APP: variants seen among roughly 807,000 people sequenced by gnomAD.
The protein encoded by APP is amyloid-beta precursor protein.
A neutral mutation model predicts 101.4 loss-of-function variants in APP; 31 were observed. The ratio of observed to expected loss-of-function variants is 0.31; its 90% confidence interval spans 0.23 to 0.41. The LOEUF is 0.41. Among genes scored for constraint, APP ranks in the 10% least tolerant of loss-of-function variants. The pLI, the probability that APP is intolerant of heterozygous loss-of-function variation, is 1.00. For synonymous variants in APP, 366 were observed against 364.4 expected (o/e 1.00, Z -0.05); for missense variants, 839 against 1,003.7 (o/e 0.84, Z 2.22).
intron 8 of APP, among the ~76,000 whole-genome samples, chr21:25,985,639 T>A (rs1317663687): frequency 1.3e-5 from 2 of 152,152 alleles, no homozygotes; most frequent in African/African-American, 4.8e-5. Flanking sequence ...TCCATAATTG[T>A]TGTGTGAGTC....
At chr21:26,043,532 A>C (rs1441088556) in intron 5 of APP, among the ~76,000 whole-genome samples, 1 of 152,144 alleles carries the variant, frequency 6.6e-6, no homozygotes, top group Non-Finnish European at 1.5e-5. Context: ...TGCCTGGCCT[A>C]GTTTTTCTTT....
intron 11 of APP, among the ~76,000 whole-genome samples, chr21:25,963,632 C>G (rs1297002452): frequency 1.3e-5 from 2 of 152,198 alleles, no homozygotes; most frequent in African/African-American, 4.8e-5. Flanking sequence ...CACAGTTTTA[C>G]ACCCTGGATT....
intron 1 of APP, among the ~76,000 whole-genome samples, chr21:26,136,960 T>C (rs1416451197): frequency 6.6e-6 from 1 of 152,182 alleles, no homozygotes; most frequent in Admixed American, 6.5e-5. Context: ...TGGCGCGATC[T>C]CTGCTCACTG....
Position 25,897,650 on chromosome 21 carries a change from T to C in APP, c.1987A>G (p.Thr663Ala). The C allele has an allele frequency of 6.2e-7, 1 of 1,613,850 alleles. No individual in the cohort carries two copies. Among genetic ancestry groups the C allele is most frequent in the Admixed American group, 1.7e-5 (1 of 60,030 alleles). Reference sequence around the variant, plus strand: ...ATCTTCACTTCAGAGATCTCCTCCGTCTTGATATTTGTCAACCCAGAACCT... The same window carrying C: ...ATCTTCACTTCAGAGATCTCCTCCGCCTTGATATTTGTCAACCCAGAACCT... ...RPGSGLTNIKTEEISEVKMDA... is the reference protein window; with the variant it reads ...RPGSGLTNIKAEEISEVKMDA... Residue 663 changes from threonine to alanine, a missense_variant, in exon 16 of 18, where the codon ACG becomes GCG. Coordinates refer to ENST00000346798, the MANE Select transcript of APP (RefSeq NM_000484.4).
At chr21:26,123,790 T>C (rs957430316) in intron 1 of APP, among the ~76,000 whole-genome samples, 1 of 152,176 alleles carries the variant, frequency 6.6e-6, no homozygotes, top group African/African-American at 2.4e-5. Context: ...TTGGATGTAA[T>C]GTTACTATCA....
At chr21:25,895,179 T>G (rs1474018877) in intron 16 of APP, among the ~76,000 whole-genome samples, 1 of 60,272 alleles carries the variant, frequency 1.7e-5, no homozygotes, top group East Asian at 2.5e-4. Flanking sequence ...ATACAAACTT[T>G]TTTTTTTTTT....
At chr21:26,018,364 T>C (rs1162081509) in intron 6 of APP, among the ~76,000 whole-genome samples, 2 of 152,232 alleles carry the variant, frequency 1.3e-5, no homozygotes, top group African/African-American at 4.8e-5. Context: ...CACTTCTAAT[T>C]TTTATGTTGA....
chr21:26,166,384 A>G (rs2063609392), intron 1 of APP, among the ~76,000 whole-genome samples: 1 of 152,170 alleles, frequency 6.6e-6, no homozygotes, highest in Non-Finnish European at 1.5e-5. Flanking sequence ...AAGGGTTTGC[A>G]AAAGACGGCA....
At chr21:26,056,356 G>A (rs1413409242) in intron 3 of APP, among the ~76,000 whole-genome samples, 5 of 152,184 alleles carry the variant, frequency 3.3e-5, no homozygotes, top group African/African-American at 1.2e-4. Context: ...CATTTTTAAT[G>A]AGGAGTTGGT....
At chr21:25,903,790 C>T (rs1050818723) in intron 15 of APP, among the ~76,000 whole-genome samples, 4 of 152,182 alleles carry the variant, frequency 2.6e-5, no homozygotes, top group African/African-American at 9.7e-5. Flanking sequence ...AATTTAAGTT[C>T]CCCTTAAAAG....
chr21:26,168,956 T>A (rs1271296210), intron 1 of APP, among the ~76,000 whole-genome samples: 1 of 152,220 alleles, frequency 6.6e-6, no homozygotes, highest in Non-Finnish European at 1.5e-5. Flanking sequence ...GGAAAACATC[T>A]GCCCGGAAAT....
At chr21:26,102,082 GT>G (rs35680514) in intron 2 of APP, among the ~76,000 whole-genome samples, 364 of 101,146 alleles carry the variant, frequency 3.6e-3, no homozygotes, top group African/African-American at 0.011. Flanking sequence ...AAACTATGTG[GT>G]TTTTTTTTTT....
At chr21:26,170,450 G>T in intron 1 of APP, 114 bp downstream of exon 1, 1 of 1,111,650 alleles carries the variant, frequency 9.0e-7, no homozygotes, top group South Asian at 1.4e-5. Context: ...AGAGGAGAGG[G>T]GTCCCATTGA....
In APP at chr21:25,955,610, T is replaced by C; in HGVS notation, c.1587+17A>G. 1 of 1,613,920 alleles carries C rather than the reference T, an allele frequency of 6.2e-7. No individual in the cohort carries two copies. Among genetic ancestry groups the C allele is most frequent in the South Asian group, 1.1e-5 (1 of 91,060 alleles). The stretch of plus-strand genomic sequence containing the variant: ...GGATTGTCAAAGCTGCAGAAGATGA[T>C]TATACCCCACGCTTACCTGGGACCG... On this transcript the variant is annotated intron_variant, in intron 12 of 17. Transcript: ENST00000346798.
chr21:26,021,830 G>C lies in APP; in HGVS notation c.865+10C>G, dbSNP rs2044351985. 3.1e-6 allele frequency: 5 copies of C among 1,612,466 alleles called. No homozygotes were observed. The highest frequency in any genetic ancestry group is 4.2e-6 in the Non-Finnish European group (5 of 1,179,846). On this transcript the variant is annotated intron_variant, in intron 6 of 17. Transcript: ENST00000346798. ...GGGGGTGGGGGGAATCCAAGCAAATGGTGGATTACCTCGAACCACCTCTTC... is the reference window on the plus strand; with the variant it reads ...GGGGGTGGGGGGAATCCAAGCAAATCGTGGATTACCTCGAACCACCTCTTC...
chr21:26,122,797 T>TTAATAAA, intron 1 of APP, among the ~76,000 whole-genome samples: 1 of 152,028 alleles, frequency 6.6e-6, no homozygotes, highest in African/African-American at 2.4e-5. Flanking sequence ...TTAAAAGATT[T>TTAATAAA]CTTAAAGGTC....
rs1386177341 is a variant in APP, at chr21:26,004,626, A to G, written c.866-4444T>C. Among the ~76,000 whole-genome samples, 4 of 152,090 alleles carry G rather than the reference A, an allele frequency of 2.6e-5. No individual in the cohort carries two copies. In the East Asian group the frequency reaches 7.7e-4, roughly 29 times the overall value. On this transcript the variant is annotated intron_variant, in intron 6 of 17. Coordinates refer to ENST00000346798, the MANE Select transcript of APP (RefSeq NM_000484.4). ...TCTTTCAACTGCATGTAAATCTACA[A>G]TTGTCTCAAAGAAAAGATTTTTAAT...
intron 3 of APP, among the ~76,000 whole-genome samples, chr21:26,084,477 G>C (rs1024955739): frequency 6.6e-6 from 1 of 152,216 alleles, no homozygotes; most frequent in Admixed American, 6.5e-5. Flanking sequence ...CTGACCTTGC[G>C]ATCCGCCCAT....
intron 13 of APP, among the ~76,000 whole-genome samples, chr21:25,917,064 C>T (rs190557673): frequency 7.2e-5 from 11 of 152,106 alleles, no homozygotes; most frequent in Admixed American, 6.6e-5. Context: ...AGTTCAAGAG[C>T]AGCCTGGCTA....
Sources: gnomAD v4.1 joint callset for allele counts (sites outside exome capture counted in the v4.1 genomes callset) on GRCh38, gnomAD v4.1.1 for gene constraint, MANE v1.5 for transcripts, NCBI Gene and HGNC (gene_info 2026-07-23, HGNC 2026-07-21) for gene names.